The following ZBTB38 variants were observed in gnomAD, a reference collection of about 807,000 sequenced individuals.
The protein encoded by ZBTB38 is zinc finger and BTB domain containing 38.
ZBTB38 carries 20 observed loss-of-function variants against 76.8 expected under a neutral mutation model. That is an observed-to-expected ratio of 0.26 (90% CI 0.18 to 0.38). ZBTB38 has a LOEUF of 0.38. Ranked by LOEUF, ZBTB38 falls within the 10% of genes least tolerant of loss-of-function variation. The pLI, the probability that ZBTB38 is intolerant of heterozygous loss-of-function variation, is 1.00. For synonymous variants in ZBTB38, 504 were observed against 544.2 expected, an observed-to-expected ratio of 0.93 and a Z score of 1.03; for missense variants, 1,082 against 1,482.3, an observed-to-expected ratio of 0.73 and a Z score of 4.43.
At chr3:141,436,322 C>G (rs375678636) in intron 5 of ZBTB38, among the ~76,000 whole-genome samples, 2 of 152,318 alleles carry the variant, frequency 1.3e-5, no homozygotes, top group African/African-American at 4.8e-5. Flanking sequence ...GTTACACAAA[C>G]TGAACCTGCC....
chr3:141,442,553 C>T lies in ZBTB38; in HGVS notation c.165C>T (p.Ser55=). Residue 55 remains serine, a synonymous_variant, in exon 6 of 6, where the codon AGC becomes AGT. Transcript: ENST00000321464. This position sits in a 1 kb window ranked among gnomAD's most constrained non-coding sequence, Gnocchi z 6.4. The part of the protein sequence containing the change: ...KAHSNVLAAS[S]LYFKNIFWSH... Reference sequence around the variant, plus strand: ...ATAGCAATGTTCTGGCAGCTTCAAGCCTGTATTTTAAAAATATCTTTTGGA... The same window carrying T: ...ATAGCAATGTTCTGGCAGCTTCAAGTCTGTATTTTAAAAATATCTTTTGGA... 1 of 1,614,222 alleles carries T rather than the reference C, an allele frequency of 6.2e-7. No individual in the cohort carries two copies. The highest frequency in any genetic ancestry group is 8.5e-7 in the Non-Finnish European group (1 of 1,180,044).
chr3:141,334,437 C>T (rs28721484), intron 1 of ZBTB38, among the ~76,000 whole-genome samples: 26,693 of 122,882 alleles, frequency 0.22, 2,915 homozygotes, highest in Non-Finnish European at 0.25. Context: ...TCCTTCCTTC[C>T]TTCCTTCTTT....
Position 141,413,044 on chromosome 3 carries a change from G to C in ZBTB38, c.-1+9013G>C, listed in dbSNP as rs1957200489. The stretch of plus-strand genomic sequence containing the variant: ...GCCTGGCCTCCCTCCAGAGGTCGTA[G>C]TGTTGCCAGCAGTGGCTTCAAACTG... On this transcript the variant is annotated intron_variant, in intron 5 of 5. Coordinates refer to ENST00000321464, the MANE Select transcript of ZBTB38 (RefSeq NM_001376113.1). This position sits in a 1 kb window ranked among gnomAD's most constrained non-coding sequence, Gnocchi z 4.1. Among the ~76,000 whole-genome samples, 1 of 152,216 alleles carries C rather than the reference G, an allele frequency of 6.6e-6. No homozygotes were observed. The highest frequency in any genetic ancestry group is 1.5e-5 in the Non-Finnish European group (1 of 68,032).
intron 1 of ZBTB38, among the ~76,000 whole-genome samples, chr3:141,350,313 G>A (rs1943481505): frequency 6.6e-6 from 1 of 152,162 alleles, no homozygotes; most frequent in South Asian, 2.1e-4. Flanking sequence ...ACATTATGGT[G>A]ACCATGAAAA....
chr3:141,377,526 T>C (rs1278725528), intron 2 of ZBTB38, among the ~76,000 whole-genome samples: 1 of 152,106 alleles, frequency 6.6e-6, no homozygotes, highest in Non-Finnish European at 1.5e-5. Context: ...GTACAGCCAC[T>C]CTAGGAAACT....
At chr3:141,404,765 G>A (rs1219066449) in intron 5 of ZBTB38, among the ~76,000 whole-genome samples, 1 of 152,216 alleles carries the variant, frequency 6.6e-6, no homozygotes, top group Non-Finnish European at 1.5e-5. Context: ...AGGTCATGGA[G>A]AGCTTTGCAT....
At chr3:141,372,956 G>A (rs1251584600) in intron 2 of ZBTB38, among the ~76,000 whole-genome samples, 2 of 152,190 alleles carry the variant, frequency 1.3e-5, no homozygotes, top group Non-Finnish European at 2.9e-5. Flanking sequence ...TGGTGTTAGG[G>A]TTGGGGGAGG....
intron 1 of ZBTB38, among the ~76,000 whole-genome samples, chr3:141,345,709 GGT>G (rs1483715771): frequency 2.0e-5 from 3 of 152,030 alleles, no homozygotes; most frequent in Non-Finnish European, 4.4e-5. Flanking sequence ...GTGGTGCATG[GGT>G]GTGTGTGTGG....
At chr3:141,349,462 CA>C (rs1417177416) in intron 1 of ZBTB38, among the ~76,000 whole-genome samples, 7 of 152,088 alleles carry the variant, frequency 4.6e-5, no homozygotes, top group African/African-American at 7.2e-5. Flanking sequence ...GTGCAAAAAA[CA>C]AGCAAACAAA....
At chr3:141,329,459 A>G (rs1942780351) in intron 1 of ZBTB38, among the ~76,000 whole-genome samples, 1 of 152,214 alleles carries the variant, frequency 6.6e-6, no homozygotes, top group Non-Finnish European at 1.5e-5. Context: ...GAGGGTCTCC[A>G]CTTGCCTCTG....
At chr3:141,394,817 C>T (rs988170497) in intron 4 of ZBTB38, among the ~76,000 whole-genome samples, 2 of 152,204 alleles carry the variant, frequency 1.3e-5, no homozygotes, top group East Asian at 3.8e-4. Flanking sequence ...CTGAACTACA[C>T]GTTTCTGTTG....
At chr3:141,402,687 G>C (rs1952631340) in intron 4 of ZBTB38, 1 of 152,064 alleles carries the variant, frequency 6.6e-6, no homozygotes, top group Non-Finnish European at 1.5e-5. Context: ...CGCCCGGAGC[G>C]GGGCGGGGCG....
At chr3:141,340,965 A>G (rs1022733122) in intron 1 of ZBTB38, among the ~76,000 whole-genome samples, 373 of 138,144 alleles carry the variant, frequency 2.7e-3, no homozygotes, top group Middle Eastern at 0.011. Context: ...AAAGAAAGAA[A>G]GAAAGAAAGA....
At position 141,445,823 on chromosome 3, in the gene ZBTB38, GA is replaced by G. The variant is rs2081032031; in HGVS notation, c.3438del (p.Lys1146AsnfsTer13). 1.2e-6 allele frequency: 2 copies of G among 1,614,038 alleles called. No homozygotes were observed. The highest frequency in any genetic ancestry group is 1.7e-6 in the Non-Finnish European group (2 of 1,180,046). On this transcript the variant is annotated frameshift_variant, in exon 6 of 6. Transcript: ENST00000321464. LOFTEE classifies it high-confidence loss of function. The surrounding 1 kb of genome is among the most constrained non-coding windows in gnomAD (Gnocchi z 6.5). Reference protein sequence around the residue: ...TAAALGMHQKKHLFKSPSQQE... With the variant: ...TAAALGMHQKXHLFKSPSQQE... ...CTGCTGCCCTTGGAATGCACCAAAAGAAACACTTATTCAAAAGCCCAAGTCA... is the reference window on the plus strand; with the variant it reads ...CTGCTGCCCTTGGAATGCACCAAAAGAACACTTATTCAAAAGCCCAAGTCA...
intron 3 of ZBTB38, chr3:141,383,696 G>A (rs1356312172): frequency 1.3e-5 from 2 of 152,112 alleles, no homozygotes; most frequent in East Asian, 1.9e-4. Flanking sequence ...GCAGAACAAC[G>A]AGACCACGAG....
intron 3 of ZBTB38, among the ~76,000 whole-genome samples, chr3:141,382,270 C>T (rs142950699): frequency 7.2e-5 from 11 of 152,298 alleles, no homozygotes; most frequent in African/African-American, 1.9e-4. Flanking sequence ...CTGATTGTTA[C>T]ACTGATTTTT....
chr3:141,340,923 A>AG, intron 1 of ZBTB38, among the ~76,000 whole-genome samples: 2 of 100,646 alleles, frequency 2.0e-5, no homozygotes, highest in Non-Finnish European at 3.7e-5. Flanking sequence ...AGAAAAGGAA[A>AG]GGAAAAAAGA....
At chr3:141,411,981 TAAG>T (rs1057139195) in intron 5 of ZBTB38, among the ~76,000 whole-genome samples, 10 of 152,214 alleles carry the variant, frequency 6.6e-5, no homozygotes, top group Non-Finnish European at 1.3e-4. Flanking sequence ...GCGTTTCTGA[TAAG>T]AAGATTTGCA....
At chr3:141,356,928 G>A (rs1943680054) in intron 1 of ZBTB38, among the ~76,000 whole-genome samples, 1 of 152,124 alleles carries the variant, frequency 6.6e-6, no homozygotes, top group South Asian at 2.1e-4. Context: ...GTTCACTTGG[G>A]AACTATAAAT....
Sources: gnomAD v4.1 joint callset for allele counts (sites outside exome capture counted in the v4.1 genomes callset) on GRCh38, gnomAD v4.1.1 for gene constraint, Gnocchi (gnomAD v3.1) non-coding constraint, MANE v1.5 for transcripts, NCBI Gene and HGNC (gene_info 2026-07-23, HGNC 2026-07-21) for gene names.